The following MAGI1 variants were observed in gnomAD, a reference collection of about 807,000 sequenced individuals.
The protein encoded by MAGI1 is membrane associated guanylate kinase, WW and PDZ domain containing 1, also known as membrane-associated guanylate kinase, WW and PDZ domain-containing protein 1.
A neutral mutation model predicts 139.9 loss-of-function variants in MAGI1; 58 were observed. That is an observed-to-expected ratio of 0.41 (90% CI 0.34 to 0.52). MAGI1 has a LOEUF of 0.52. Ranked by LOEUF, MAGI1 falls within the 20% of genes least tolerant of loss-of-function variation. The probability of loss-of-function intolerance (pLI) is 0.12; values close to 1 mark genes in which losing one functional copy is unlikely to be tolerated. For synonymous variants in MAGI1, 812 were observed against 737.9 expected (o/e 1.10, Z -1.63); for missense variants, 1,874 against 1,901.6 (o/e 0.99, Z 0.27).
rs72894130 is a variant in MAGI1, at chr3:65,803,005, G to C, written c.314-180917C>G. Among the ~76,000 whole-genome samples the C allele has an allele frequency of 7.8e-3, 1,182 of 152,174 alleles. 14 individuals carry two copies. The highest frequency in any genetic ancestry group is 0.027 in the African/African-American group (1,110 of 41,514). The stretch of plus-strand genomic sequence containing the variant: ...TAACCAACATGCAGATGAAGAGAGA[G>C]AGAGGACATTACCAGTACTCCCACC... On this transcript the variant is annotated intron_variant, in intron 1 of 22. Transcript: ENST00000402939.
intron 1 of MAGI1, among the ~76,000 whole-genome samples, chr3:65,707,992 T>C (rs1270330312): frequency 1.3e-5 from 2 of 152,196 alleles, no homozygotes; most frequent in African/African-American, 2.4e-5. Flanking sequence ...AAGGTATCAA[T>C]GTCTACACAC....
At chr3:65,873,551 C>T (rs972305870) in intron 1 of MAGI1, 1 of 152,188 alleles carries the variant, frequency 6.6e-6, no homozygotes, top group Non-Finnish European at 1.5e-5. Flanking sequence ...AGGTTTCAGA[C>T]AAAGGGGGAC....
At chr3:65,422,079 ATC>A (rs1243268016) in intron 12 of MAGI1, among the ~76,000 whole-genome samples, 4 of 152,204 alleles carry the variant, frequency 2.6e-5, no homozygotes, top group African/African-American at 9.6e-5. Context: ...AATAATTAAA[ATC>A]TCTAGAACTG....
intron 3 of MAGI1, among the ~76,000 whole-genome samples, chr3:65,480,011 C>G (rs1247104254): frequency 6.6e-6 from 1 of 152,010 alleles, no homozygotes; most frequent in Non-Finnish European, 1.5e-5. Context: ...CTGGATCAAT[C>G]CTAACTAATG....
At chr3:65,365,387 A>C (rs1941317511) in intron 18 of MAGI1, among the ~76,000 whole-genome samples, 1 of 152,216 alleles carries the variant, frequency 6.6e-6, no homozygotes, top group African/African-American at 2.4e-5. Context: ...GAGTCGGCTT[A>C]ATTTCCTCAA....
rs986802420 is a variant in MAGI1, at chr3:65,838,513, G to A, written c.313+199483C>T. Among the ~76,000 whole-genome samples, 33 of 151,892 alleles carry A rather than the reference G, an allele frequency of 2.2e-4. No homozygotes were observed. The East Asian group carries it at 3.1e-3, about 14-fold the overall frequency. ...TATGACCTTTAGAGATTGTTTTTTC[G>A]TCACTCAGCATAATGCCTTTGAGAT... On this transcript the variant is annotated intron_variant, in intron 1 of 22. Transcript: ENST00000402939.
intron 1 of MAGI1, among the ~76,000 whole-genome samples, chr3:65,832,589 C>G (rs991589703): frequency 3.3e-5 from 5 of 152,036 alleles, no homozygotes; most frequent in African/African-American, 1.2e-4. Context: ...GCCACAAAAG[C>G]ACTCAGCCCA....
chr3:65,689,301 T>C (rs2088359672), intron 1 of MAGI1, among the ~76,000 whole-genome samples: 1 of 152,132 alleles, frequency 6.6e-6, no homozygotes, highest in African/African-American at 2.4e-5. Flanking sequence ...AGATTGGATT[T>C]TCCCAGGATA....
intron 1 of MAGI1, among the ~76,000 whole-genome samples, chr3:65,859,521 G>A (rs541103207): frequency 6.6e-6 from 1 of 152,120 alleles, no homozygotes; most frequent in South Asian, 2.1e-4. Flanking sequence ...CTGAGGCCAG[G>A]AGTTTGAGAC....
At chr3:65,854,457 C>A (rs1303541693) in intron 1 of MAGI1, among the ~76,000 whole-genome samples, 1 of 152,194 alleles carries the variant, frequency 6.6e-6, no homozygotes, top group East Asian at 1.9e-4. Flanking sequence ...GCCTCCATCT[C>A]TCCATGAAAA....
chr3:65,388,834 ATTTTTTT>A (rs35579495), intron 14 of MAGI1, among the ~76,000 whole-genome samples: 17 of 91,938 alleles, frequency 1.8e-4, no homozygotes, highest in Non-Finnish European at 2.2e-4. Context: ...ACCATTCCGA[ATTTTTTT>A]TTTTTTTTTT....
chr3:65,496,700 A>C (rs1952483723), intron 2 of MAGI1, among the ~76,000 whole-genome samples: 2 of 152,220 alleles, frequency 1.3e-5, no homozygotes, highest in Non-Finnish European at 2.9e-5. Flanking sequence ...GCACCAGGAT[A>C]AATAGCTAAT....
At chr3:65,485,365 T>C (rs943708230) in intron 3 of MAGI1, among the ~76,000 whole-genome samples, 1 of 152,328 alleles carries the variant, frequency 6.6e-6, no homozygotes, top group South Asian at 2.1e-4. Flanking sequence ...TGCCATTTGG[T>C]TTCTAATACA....
At chr3:65,430,339 G>A (rs1057347979) in intron 11 of MAGI1, among the ~76,000 whole-genome samples, 199 bp from the exon 12 acceptor site, 4 of 152,054 alleles carry the variant, frequency 2.6e-5, no homozygotes, top group African/African-American at 9.7e-5. Flanking sequence ...CTGCTAATGA[G>A]AATGTAATAA....
chr3:65,500,098 T>C (rs930135689), intron 2 of MAGI1, among the ~76,000 whole-genome samples: 4 of 152,206 alleles, frequency 2.6e-5, no homozygotes, highest in Non-Finnish European at 5.9e-5. Flanking sequence ...AGGTTTCCCA[T>C]CTCATAGAAA....
intron 1 of MAGI1, among the ~76,000 whole-genome samples, chr3:65,856,670 C>A (rs909380644): frequency 6.6e-6 from 1 of 152,192 alleles, no homozygotes; most frequent in Non-Finnish European, 1.5e-5. Flanking sequence ...GACATCATCA[C>A]GTGCTACACC....
intron 1 of MAGI1, among the ~76,000 whole-genome samples, chr3:65,795,764 C>A (rs1264054277): frequency 6.8e-6 from 1 of 146,412 alleles, no homozygotes; most frequent in African/African-American, 2.5e-5. Flanking sequence ...AGAAATTGGT[C>A]AGGCCGAGGG....
rs1487140595 is a variant in MAGI1, at chr3:65,726,670, C to A, written c.314-104582G>T. Among the ~76,000 whole-genome samples, 4 of 152,110 alleles carry A rather than the reference C, an allele frequency of 2.6e-5. No individual in the cohort carries two copies. In the East Asian group the frequency reaches 7.7e-4, roughly 29 times the overall value. On this transcript the variant is annotated intron_variant, in intron 1 of 22. Transcript: ENST00000402939. ...AGCTGTAATTTCTCTAGGACACCAT[C>A]CACAAGTGTGCTATAAAGCACAACT...
chr3:65,691,866 G>C (rs1477603842), intron 1 of MAGI1, among the ~76,000 whole-genome samples: 6 of 152,160 alleles, frequency 3.9e-5, no homozygotes, highest in African/African-American at 9.7e-5. Context: ...AGGAAAATAA[G>C]TGCTTAAACC....
Sources: allele counts gnomAD v4.1 joint callset (sites outside exome capture counted in the v4.1 genomes callset), GRCh38; gene constraint gnomAD v4.1.1; transcripts MANE v1.5; gene names NCBI Gene and HGNC (gene_info 2026-07-23, HGNC 2026-07-21).